The following ZNF48 variants were observed in gnomAD, a reference collection of about 807,000 sequenced individuals.
ZNF48 encodes the protein zinc finger protein 48.
A neutral mutation model predicts 40.0 loss-of-function variants in ZNF48; 20 were observed. The ratio of observed to expected loss-of-function variants is 0.50; its 90% confidence interval spans 0.35 to 0.73. The LOEUF is 0.73. ZNF48 is among the 30% of genes least tolerant of loss of function. ZNF48 has a pLI of 0.01. For missense variants in ZNF48, 726 were observed against 851.9 expected (o/e 0.85, Z 1.84); for synonymous variants, 298 against 329.7 (o/e 0.90, Z 1.04).
rs2049849001 is a variant in ZNF48 at position 30,381,511 on chromosome 16, G to C, written c.-16+3101G>C. On this transcript the variant is annotated intron_variant, in intron 1 of 2. Coordinates refer to the ZNF48 transcript ENST00000528032. The surrounding 1 kb of genome is among the most constrained non-coding windows in gnomAD (Gnocchi z 4.3). ...AGAGGATGTGAGGTCAGAGATCAAA[G>C]GCCAGAGGGCAGGGGGCAAGGCTAG... 1 of 1,612,142 alleles carries C rather than the reference G, an allele frequency of 6.2e-7. No homozygotes were observed. The highest frequency in any genetic ancestry group is 2.2e-5 in the East Asian group (1 of 44,882).
Position 30,381,880 on chromosome 16 carries a change from C to T in ZNF48, c.-16+3470C>T, listed in dbSNP as rs377096306. The T allele has an allele frequency of 1.0e-4, 161 of 1,614,022 alleles. No homozygotes were observed. Among genetic ancestry groups the T allele is most frequent in the East Asian group, 8.7e-4 (39 of 44,882 alleles). On this transcript the variant is annotated intron_variant, in intron 1 of 2. Transcript: ENST00000528032. This position sits in a 1 kb window ranked among gnomAD's most constrained non-coding sequence, Gnocchi z 4.3. ...CTCAATGGCCAGGGTCTGTGTCAAGCGAGCTGTGGGATGGGGGAGAGGTCA... is the reference window on the plus strand; with the variant it reads ...CTCAATGGCCAGGGTCTGTGTCAAGTGAGCTGTGGGATGGGGGAGAGGTCA...
chr16:30,386,939 C>CTTTTTT (rs1173887858), intron 1 of ZNF48, among the ~76,000 whole-genome samples: 2 of 107,618 alleles, frequency 1.9e-5, no homozygotes, highest in Non-Finnish European at 3.9e-5. Context: ...TGCACCTGGC[C>CTTTTTT]TTTTTTTTTT....
In ZNF48 at chr16:30,381,065, G is replaced by A; in HGVS notation, c.-16+2655G>A. On this transcript the variant is annotated intron_variant, in intron 1 of 2. Transcript: ENST00000528032. This position sits in a 1 kb window ranked among gnomAD's most constrained non-coding sequence, Gnocchi z 4.3. The stretch of plus-strand genomic sequence containing the variant: ...GAAAGGCCACTTCAAGATCAAAGAA[G>A]TCTAAGCTGAAATCAGGTTTGGCTT... The A allele has an allele frequency of 7.6e-7, 1 of 1,307,224 alleles. No individual in the cohort carries two copies. 81.0% of individuals were successfully genotyped at this position (1,307,224 alleles called of 1,614,324 possible).
At chr16:30,378,981 C>G (rs750809028) in intron 1 of ZNF48, 1 of 1,594,008 alleles carries the variant, frequency 6.3e-7, no homozygotes, top group East Asian at 2.2e-5. Context: ...TGAGGCGGGA[C>G]CTTGGAGGCT....
rs1567425417 is a variant in ZNF48, at chr16:30,381,317, CCCCAGGATCCCCCCA to C, written c.-16+2910_-16+2924del. 6.2e-7 allele frequency: 1 copy of C among 1,612,432 alleles called. No homozygotes were observed. The highest frequency in any genetic ancestry group is 8.5e-7 in the Non-Finnish European group (1 of 1,178,932). On this transcript the variant is annotated intron_variant, in intron 1 of 2. Transcript: ENST00000528032. This position sits in a 1 kb window ranked among gnomAD's most constrained non-coding sequence, Gnocchi z 4.3. ...CCCAGCCCTCCCTAAATGCGCCAGC[CCCCAGGATCCCCCCA>C]CCAGACCCCCGGCCGAAGGGTGAGA...
rs749077329 is a variant in ZNF48 at position 30,381,715 on chromosome 16, G to A, written c.-16+3305G>A. 42 of 1,607,254 alleles carry A rather than the reference G, an allele frequency of 2.6e-5. No individual in the cohort carries two copies. Among genetic ancestry groups the A allele is most frequent in the Non-Finnish European group, 3.2e-5 (38 of 1,176,832 alleles). Reference sequence around the variant, plus strand: ...CAGTCCTGTAACTCTCCAGGGAGTCGCCACTGTGAAAGGCTGAGCCTCTGT... The same window carrying A: ...CAGTCCTGTAACTCTCCAGGGAGTCACCACTGTGAAAGGCTGAGCCTCTGT... On this transcript the variant is annotated intron_variant, in intron 1 of 2. Transcript: ENST00000528032. The surrounding 1 kb of genome is among the most constrained non-coding windows in gnomAD (Gnocchi z 4.3).
At position 30,381,146 on chromosome 16, in the gene ZNF48, G is replaced by T; in HGVS notation, c.-16+2736G>T. The T allele has an allele frequency of 1.2e-6, 2 of 1,613,972 alleles. 1 individual carries two copies. Among genetic ancestry groups the T allele is most frequent in the South Asian group, 2.2e-5 (2 of 91,080 alleles). On this transcript the variant is annotated intron_variant, in intron 1 of 2. Coordinates refer to the ZNF48 transcript ENST00000528032. This position sits in a 1 kb window ranked among gnomAD's most constrained non-coding sequence, Gnocchi z 4.3. ...TCACACCTTCTGCTTGAGGGCCTGG[G>T]TTTCCTGGGGCATCAGAGCATCCGC...
Position 30,395,624 on chromosome 16 carries a change from C to A in ZNF48, c.-16+46C>A. 2.9e-6 allele frequency: 1 copy of A among 339,704 alleles called. No individual in the cohort carries two copies. Among genetic ancestry groups the A allele is most frequent in the Non-Finnish European group, 4.6e-6 (1 of 218,300 alleles). 21.0% of individuals were successfully genotyped at this position (339,704 alleles called of 1,614,324 possible). ...CTGGGAGGAGCAGCAGGTGCAGGGG[C>A]GGCCGGCGGCGCGGGCAGGGGGCAC... On this transcript the variant is annotated intron_variant, in intron 1 of 2. Coordinates refer to ENST00000613509, the MANE Select transcript of ZNF48 (RefSeq NM_001214909.2). The surrounding 1 kb of genome is among the most constrained non-coding windows in gnomAD (Gnocchi z 5.9).
In ZNF48 at chr16:30,382,465, G is replaced by A; in HGVS notation, c.-16+4055G>A. The A allele has an allele frequency of 6.4e-7, 1 of 1,569,162 alleles. No individual in the cohort carries two copies. Among genetic ancestry groups the A allele is most frequent in the Non-Finnish European group, 8.7e-7 (1 of 1,144,958 alleles). Reference sequence around the variant, plus strand: ...GCTAGGAAGAGTCAGTGGGGTCTGGGGACCCCAGGCATGGGGGCTGGGGGC... The same window carrying A: ...GCTAGGAAGAGTCAGTGGGGTCTGGAGACCCCAGGCATGGGGGCTGGGGGC... On this transcript the variant is annotated intron_variant, in intron 1 of 2. Transcript: ENST00000528032. The surrounding 1 kb of genome is among the most constrained non-coding windows in gnomAD (Gnocchi z 4.8).
At chr16:30,384,478 C>T (rs532877160) in intron 1 of ZNF48, among the ~76,000 whole-genome samples, 3 of 152,218 alleles carry the variant, frequency 2.0e-5, no homozygotes, top group East Asian at 3.9e-4. Context: ...GAGCCAAGAT[C>T]GTGCCACTGC....
chr16:30,386,688 T>G (rs1205782772), intron 1 of ZNF48, among the ~76,000 whole-genome samples: 1 of 152,058 alleles, frequency 6.6e-6, no homozygotes. Flanking sequence ...TTCGCCCTTG[T>G]AGTTTCGCTC....
In ZNF48 at chr16:30,395,775, C is replaced by T. The variant is rs1449416101; in HGVS notation, c.-15-5C>T. ...CCGCGGGATGCTGTCTGTCCCCTTG[C>T]TCAGGGCGGCGTGCCGGCGATGGAG... On this transcript the variant is annotated splice_region_variant and splice_polypyrimidine_tract_variant and intron_variant, in intron 1 of 2. Coordinates refer to ENST00000613509, the MANE Select transcript of ZNF48 (RefSeq NM_001214909.2). The surrounding 1 kb of genome is among the most constrained non-coding windows in gnomAD (Gnocchi z 5.9). 6.5e-7 allele frequency: 1 copy of T among 1,531,210 alleles called. No homozygotes were observed. Among genetic ancestry groups the T allele is most frequent in the Non-Finnish European group, 8.8e-7 (1 of 1,141,388 alleles). 94.9% of individuals were successfully genotyped at this position (1,531,210 alleles called of 1,614,324 possible).
intron 1 of ZNF48, chr16:30,378,847 A>AGAGAGGGG (rs2049793014): frequency 1.9e-6 from 1 of 530,492 alleles, no homozygotes; most frequent in Non-Finnish European, 3.1e-6. Flanking sequence ...GCGGGTGGGG[A>AGAGAGGGG]GAGAGGGGGA....
chr16:30,381,341 C>G lies in ZNF48; in HGVS notation c.-16+2931C>G, dbSNP rs1490883336. 5.0e-6 allele frequency: 8 copies of G among 1,613,364 alleles called. No individual in the cohort carries two copies. The highest frequency in any genetic ancestry group is 6.8e-6 in the Non-Finnish European group (8 of 1,179,674). ...CCCCCAGGATCCCCCCACCAGACCC[C>G]CGGCCGAAGGGTGAGATGAAGTAGA... On this transcript the variant is annotated intron_variant, in intron 1 of 2. Transcript: ENST00000528032. This position sits in a 1 kb window ranked among gnomAD's most constrained non-coding sequence, Gnocchi z 4.3.
At position 30,398,651 on chromosome 16, in the gene ZNF48, G is replaced by C. The variant is rs758904153; in HGVS notation, c.1401G>C (p.Val467=). 35 of 1,612,860 alleles carry C rather than the reference G, an allele frequency of 2.2e-5. 1 individual carries two copies. In the South Asian group the frequency reaches 3.7e-4, roughly 17 times the overall value. The stretch of plus-strand genomic sequence containing the variant: ...GCTTCCGCCGAAGCTCTGACCTGGT[G>C]AAACACCATCGTGTGCACACAGGGG... ...GKGFRRSSDL[V]KHHRVHTGEK... Residue 467 remains valine, a synonymous_variant, in exon 3 of 3, where the codon GTG becomes GTC. Coordinates refer to ENST00000613509, the MANE Select transcript of ZNF48 (RefSeq NM_001214909.2). This position sits in a 1 kb window ranked among gnomAD's most constrained non-coding sequence, Gnocchi z 6.6.
At chr16:30,390,797 T>A (rs946077104), upstream of ZNF48, among the ~76,000 whole-genome samples, 6 of 151,784 alleles carry the variant, frequency 4.0e-5, no homozygotes, top group African/African-American at 1.5e-4. Context: ...ATTTTTTTTT[T>A]ATATTTTTAG....
At chr16:30,394,704 A>C (rs978460122), upstream of ZNF48, 1 of 153,928 alleles carries the variant, frequency 6.5e-6, no homozygotes, top group Non-Finnish European at 1.4e-5. Flanking sequence ...CAATGACTTT[A>C]TCTCTTATCC....
At chr16:30,386,364 C>T (rs2049900589) in intron 1 of ZNF48, among the ~76,000 whole-genome samples, 1 of 151,356 alleles carries the variant, frequency 6.6e-6, no homozygotes, top group Non-Finnish European at 1.5e-5. Context: ...TTATAAAATG[C>T]AATTGAAATA....
rs1055172375 is a variant in ZNF48 at position 30,397,658 on chromosome 16, G to A, written c.408G>A (p.Gly136=). ...DLVKHQRTHT[G]EKPYKCGVCG... is the part of the protein sequence containing the mutation. ...TGAAACACCAGCGGACCCACACAGGGGAGAAACCCTACAAGTGTGGGGTCT... is the reference window on the plus strand; with the variant it reads ...TGAAACACCAGCGGACCCACACAGGAGAGAAACCCTACAAGTGTGGGGTCT... Residue 136 remains glycine, a synonymous_variant, in exon 3 of 3, where the codon GGG becomes GGA. Coordinates refer to ENST00000613509, the MANE Select transcript of ZNF48 (RefSeq NM_001214909.2). The surrounding 1 kb of genome is among the most constrained non-coding windows in gnomAD (Gnocchi z 4.1). The A allele has an allele frequency of 6.2e-7, 1 of 1,613,044 alleles. No individual in the cohort carries two copies. The highest frequency in any genetic ancestry group is 1.3e-5 in the African/African-American group (1 of 74,732).
Sources: gnomAD v4.1 joint callset for allele counts (sites outside exome capture counted in the v4.1 genomes callset) on GRCh38, gnomAD v4.1.1 for gene constraint, Gnocchi (gnomAD v3.1) non-coding constraint, MANE v1.5 for transcripts, NCBI Gene and HGNC (gene_info 2026-07-23, HGNC 2026-07-21) for gene names.